PLEC: variants seen among roughly 807,000 people sequenced by gnomAD.
PLEC encodes plectin, also known as hemidesmosomal protein 1.
PLEC carries 216 observed loss-of-function variants against 392.8 expected under a neutral mutation model. That is an observed-to-expected ratio of 0.55 (90% CI 0.49 to 0.62). PLEC has a LOEUF of 0.62. Ranked by LOEUF, PLEC falls within the 20% of genes least tolerant of loss-of-function variation. The pLI is 0.00. For missense variants in PLEC, 6,863 were observed against 6,563.4 expected (o/e 1.05, Z -1.58); for synonymous variants, 3,621 against 2,980.6 (o/e 1.21, Z -7.00).
intron 1 of PLEC, 52 bp from the exon 2 acceptor site, chr8:143,938,744 C>A: frequency 1.0e-5 from 15 of 1,493,026 alleles, no homozygotes; most frequent in Non-Finnish European, 1.4e-5. Flanking sequence ...CCCCGGGGGC[C>A]CTCAGGTGAC....
Position 143,920,681 on chromosome 8 carries a change from T to A in PLEC, c.9140A>T (p.Asp3047Val). The A allele has an allele frequency of 1.2e-6, 2 of 1,603,042 alleles. No individual in the cohort carries two copies. The highest frequency in any genetic ancestry group is 1.7e-5 in the Admixed American group (1 of 60,020). The change falls in exon 32 of 32, where the codon GAC (aspartate) becomes GTC (valine). Residue 3047 changes from aspartate to valine, a missense_variant. Asp to Val is a radical substitution (Grantham distance 152, BLOSUM62 -3). Transcript: ENST00000345136. The stretch of plus-strand genomic sequence containing the variant: ...CACGGCCATGTCGGATGGCAGCAGG[T>A]CTTTCTTCAGGGCATTGTAGATACT... ...KLSIYNALKKDLLPSDMAVAL... is the reference protein window; with the variant it reads ...KLSIYNALKKVLLPSDMAVAL...
chr8:143,945,351 G>C, intron 1 of PLEC: 1 of 360,862 alleles, frequency 2.8e-6, no homozygotes. Context: ...GCTCCACCCA[G>C]GAGTCCCGAA....
intron 1 of PLEC, among the ~76,000 whole-genome samples, chr8:143,961,525 G>A (rs781974907): frequency 6.6e-6 from 1 of 152,146 alleles, no homozygotes; most frequent in Non-Finnish European, 1.5e-5. Flanking sequence ...CACCTGGCCA[G>A]AAATTCCCTT....
chr8:143,935,797 C>G, intron 6 of PLEC, 51 bp downstream of exon 6: 1 of 1,586,850 alleles, frequency 6.3e-7, no homozygotes, highest in Non-Finnish European at 8.6e-7. Flanking sequence ...CTAGTGGAGG[C>G]GCTGTGGGGG....
chr8:143,964,681 G>A (rs1278864348), intron 1 of PLEC, among the ~76,000 whole-genome samples: 2 of 152,158 alleles, frequency 1.3e-5, no homozygotes, highest in Non-Finnish European at 2.9e-5. Context: ...CCTAAAACAG[G>A]GCACATTCTC....
chr8:143,953,879 G>T, upstream of PLEC: 1 of 1,534,386 alleles, frequency 6.5e-7, no homozygotes, highest in South Asian at 1.2e-5. Flanking sequence ...GGAGGTCCGG[G>T]GCAGGGCTTG....
intron 1 of PLEC, 134 bp downstream of exon 1, chr8:143,939,216 A>T: frequency 8.1e-7 from 1 of 1,238,664 alleles, no homozygotes; most frequent in Non-Finnish European, 1.1e-6. Context: ...TTGGGTGGGG[A>T]TGGCTGGCCC....
In PLEC at chr8:143,928,089, C is replaced by T. The variant is rs2096703859; in HGVS notation, c.3261-97G>A. On this transcript the variant is annotated intron_variant, in intron 25 of 31. Coordinates refer to ENST00000345136, the MANE Select transcript of PLEC (RefSeq NM_201384.3). ...CACAGCGACCCAGGGTGCTGCCTGC[C>T]AAGCCCAGACCCAACCCTGGGGGTC... 6.2e-6 allele frequency: 9 copies of T among 1,449,778 alleles called. No homozygotes were observed. The South Asian group carries it at 1.2e-4, about 20-fold the overall frequency. The allele number at this position is 1,449,778 out of a possible 1,614,324, so 89.8% of individuals were successfully genotyped here.
rs778760974 is a variant in PLEC, at chr8:143,920,110, G to C, written c.9711C>G (p.Thr3237=). ...AGCCACCCACGGGGACCTCAACCGG[G>C]GTCTTTTCAAAGGTCTCACGGGCCT... The part of the protein sequence containing the change: ...ELQARETFEK[T]PVEVPVGGFK... Residue 3237 remains threonine (T), a synonymous_variant, in exon 32 of 32, where the codon ACC becomes ACG. Transcript: ENST00000345136. 2 of 1,613,058 alleles carry C rather than the reference G, an allele frequency of 1.2e-6. No homozygotes were observed. Among genetic ancestry groups the C allele is most frequent in the Admixed American group, 1.7e-5 (1 of 60,020 alleles).
intron 1 of PLEC, among the ~76,000 whole-genome samples, chr8:143,960,661 A>G (rs1832831479): frequency 1.3e-5 from 2 of 151,862 alleles, no homozygotes; most frequent in South Asian, 2.1e-4. Flanking sequence ...TCTTCCCTTC[A>G]CTAAACTTTA....
Position 143,923,711 on chromosome 8 carries a change from TGCTCCTGCTGCAGCGTCTGCTGTA to T in PLEC, c.6194_6217del (p.Leu2065_Glu2072del), listed in dbSNP as rs782386840. 33 of 1,544,642 alleles carry T rather than the reference TGCTCCTGCTGCAGCGTCTGCTGTA, an allele frequency of 2.1e-5. No homozygotes were observed. The highest frequency in any genetic ancestry group is 2.0e-4 in the South Asian group (17 of 85,296). ...GCCGCGCAGCTGGTCCAGCACGCTCTGCTCCTGCTGCAGCGTCTGCTGTAGCTCCTGCTCCTTCTGCTGCACCGC... is the reference window on the plus strand; with the variant it reads ...GCCGCGCAGCTGGTCCAGCACGCTCTGCTCCTGCTCCTTCTGCTGCACCGC... On this transcript the variant is annotated inframe_deletion, in exon 31 of 32. Coordinates refer to ENST00000345136, the MANE Select transcript of PLEC (RefSeq NM_201384.3).
rs1554680201 is a variant in PLEC, at chr8:143,920,010, A to T, written c.9811T>A (p.Leu3271Met). The change falls in exon 32 of 32, where the codon TTG becomes ATG. Residue 3271 changes from leucine to methionine, a missense_variant. Leu to Met is a conservative substitution (Grantham distance 15). Coordinates refer to ENST00000345136, the MANE Select transcript of PLEC (RefSeq NM_201384.3). ...YFTAEQRQEL[L>M]RQFRTGKVTV... The stretch of plus-strand genomic sequence containing the variant: ...ACCTTGCCCGTGCGGAACTGACGCA[A>T]CAGCTCCTGCCGCTGCTCCGCAGTG... The T allele has an allele frequency of 6.2e-7, 1 of 1,613,200 alleles. No homozygotes were observed. The highest frequency in any genetic ancestry group is 1.7e-5 in the Admixed American group (1 of 60,026).
chr8:143,924,604 C>T lies in PLEC; in HGVS notation c.5325G>A (p.Glu1775=). 4 of 1,544,712 alleles carry T rather than the reference C, an allele frequency of 2.6e-6. No individual in the cohort carries two copies. The highest frequency in any genetic ancestry group is 3.5e-6 in the Non-Finnish European group (4 of 1,151,788). Residue 1775 remains glutamate (E), a synonymous_variant, in exon 31 of 32, where the codon GAG becomes GAA. Transcript: ENST00000345136. ...EVLLASKARA[E]EESRSTSEKS... ...TCTCGCTGGTGGAGCGCGACTCCTC[C>T]TCAGCCCTCGCCTTGCTGGCCAGCA...
Position 143,927,997 on chromosome 8 carries a change from C to A in PLEC, c.3261-5G>T. ...ACCAGGCTGATGGTCTTGAGCCTGG[C>A]GGGAAAGCGGGGCTCAGGGCCATGA... On this transcript the variant is annotated splice_region_variant and splice_polypyrimidine_tract_variant and intron_variant, in intron 25 of 31. Coordinates refer to ENST00000345136, the MANE Select transcript of PLEC (RefSeq NM_201384.3). 1 of 1,589,042 alleles carries A rather than the reference C, an allele frequency of 6.3e-7. No homozygotes were observed. Among genetic ancestry groups the A allele is most frequent in the Non-Finnish European group, 8.6e-7 (1 of 1,163,164 alleles).
In PLEC at chr8:143,939,571, C is replaced by T. The variant is rs1340566144; in HGVS notation, c.-110G>A. The T allele has an allele frequency of 2.0e-6, 3 of 1,526,096 alleles. No homozygotes were observed. The highest frequency in any genetic ancestry group is 2.6e-6 in the Non-Finnish European group (3 of 1,139,606). 94.5% of individuals were successfully genotyped at this position (1,526,096 alleles called of 1,614,324 possible). A position where few individuals can be genotyped will look rare whatever the true frequency, so the allele number is the denominator to read the frequency against. On this transcript the variant is annotated 5_prime_UTR_variant, in exon 1 of 32. It adds an upstream start codon to the 5' untranslated region. Coordinates refer to ENST00000345136, the MANE Select transcript of PLEC (RefSeq NM_201384.3). ...GGCTGGCGGCCCCACGAGACGCTCA[C>T]TCGGCACAGGCTCAGCTCAGAGCCC...
At chr8:143,976,505 C>A (rs1273989445), upstream of PLEC, among the ~76,000 whole-genome samples, 3 of 152,144 alleles carry the variant, frequency 2.0e-5, no homozygotes, top group African/African-American at 7.2e-5. Flanking sequence ...GCCTTTCCTG[C>A]CCACACCCCG....
Position 143,934,108 on chromosome 8 carries a change from G to A in PLEC, c.1170-17C>T, listed in dbSNP as rs1828241771. On this transcript the variant is annotated splice_polypyrimidine_tract_variant and intron_variant, in intron 11 of 31. Transcript: ENST00000345136. ...CACTCCAGCCTGCAGCAGCAGCACA[G>A]GGAAGGGGCCGCGTTGGCCGGGTCC... 1.2e-6 allele frequency: 2 copies of A among 1,609,748 alleles called. No individual in the cohort carries two copies. Among genetic ancestry groups the A allele is most frequent in the African/African-American group, 1.3e-5 (1 of 74,920 alleles).
chr8:143,972,687 C>T (rs1410810769), intron 1 of PLEC, among the ~76,000 whole-genome samples: 3 of 152,230 alleles, frequency 2.0e-5, no homozygotes, highest in East Asian at 1.9e-4. Context: ...TGTCCACAAC[C>T]GCCTGGAGCC....
In PLEC at chr8:143,925,345, C is replaced by A; in HGVS notation, c.4584G>T (p.Ala1528=). The part of the protein sequence containing the change: ...ASRVKAEAEA[A]REKQRALQAL... ...CCTGCAGGGCCCGCTGCTTCTCGCGCGCCGCCTCGGCCTCGGCCTTCACGC... is the reference window on the plus strand; with the variant it reads ...CCTGCAGGGCCCGCTGCTTCTCGCGAGCCGCCTCGGCCTCGGCCTTCACGC... The change falls in exon 31 of 32, where the codon GCG becomes GCT. Residue 1528 remains alanine (A), a synonymous_variant. Transcript: ENST00000345136. 1 of 1,551,654 alleles carries A rather than the reference C, an allele frequency of 6.4e-7. No homozygotes were observed. The highest frequency in any genetic ancestry group is 8.6e-7 in the Non-Finnish European group (1 of 1,156,328).
Sources: gnomAD v4.1 joint callset for allele counts (sites outside exome capture counted in the v4.1 genomes callset) on GRCh38, gnomAD v4.1.1 for gene constraint, MANE v1.5 for transcripts, NCBI Gene and HGNC (gene_info 2026-07-23, HGNC 2026-07-21) for gene names.